The following GALNT17 variants were observed in gnomAD, a reference collection of about 807,000 sequenced individuals.
GALNT17 encodes the protein polypeptide N-acetylgalactosaminyltransferase 17.
In GALNT17, 29 loss-of-function variants were observed where a neutral mutation model predicts 63.7. The observed-to-expected ratio is 0.46, with a 90% CI of 0.34 to 0.62. The LOEUF (loss-of-function observed/expected upper bound fraction) is 0.62. GALNT17 is among the 20% of genes least tolerant of loss of function. The pLI is 0.01. For synonymous variants in GALNT17, 305 were observed against 318.3 expected (o/e 0.96, Z 0.45); for missense variants, 603 against 799.6 (o/e 0.75, Z 2.97).
chr7:71,615,020 C>T (rs6964202), intron 6 of GALNT17, among the ~76,000 whole-genome samples: 138,758 of 152,152 alleles, frequency 0.91, 64,588 homozygotes, highest in South Asian at 1. Context: ...AAGAAGGACA[C>T]GGATTACTGT....
chr7:71,657,250 A>G (rs763587810), intron 6 of GALNT17, among the ~76,000 whole-genome samples: 3 of 152,204 alleles, frequency 2.0e-5, no homozygotes, highest in Non-Finnish European at 4.4e-5. Context: ...TAGCACTCAT[A>G]TTCTAATGTC....
chr7:71,545,929 T>A (rs975278548), intron 5 of GALNT17, among the ~76,000 whole-genome samples: 1 of 152,148 alleles, frequency 6.6e-6, no homozygotes, highest in Non-Finnish European at 1.5e-5. Flanking sequence ...GCATGTACAT[T>A]TCTAGGCTTG....
At position 71,420,480 on chromosome 7, in the gene GALNT17, C is replaced by T. The variant is rs115568444; in HGVS notation, c.765-428C>T. Among the ~76,000 whole-genome samples the T allele has an allele frequency of 1.4e-3, 220 of 152,240 alleles. 1 individual carries two copies. Among genetic ancestry groups the T allele is most frequent in the African/African-American group, 5.1e-3 (213 of 41,536 alleles). ...CTATTTTGGGAAAGGGAATTCAGTG[C>T]CAGCAGAAAAAACAAGCGGTGGCAG... On this transcript the variant is annotated intron_variant, in intron 4 of 10. Coordinates refer to ENST00000333538, the MANE Select transcript of GALNT17 (RefSeq NM_022479.3).
intron 1 of GALNT17, among the ~76,000 whole-genome samples, chr7:71,305,993 C>T (rs532457041): frequency 5.3e-5 from 8 of 152,112 alleles, no homozygotes; most frequent in East Asian, 1.9e-4. Context: ...CTGAGGCAGG[C>T]GGATCACTTG....
chr7:71,564,596 A>G (rs903901148), intron 5 of GALNT17, among the ~76,000 whole-genome samples: 2 of 151,674 alleles, frequency 1.3e-5, no homozygotes, highest in East Asian at 3.9e-4. Flanking sequence ...AGTTAGGACA[A>G]TTTTCCTGTG....
intron 5 of GALNT17, among the ~76,000 whole-genome samples, chr7:71,436,792 T>C (rs1223202667): frequency 2.0e-5 from 3 of 151,846 alleles, no homozygotes; most frequent in Non-Finnish European, 4.4e-5. Flanking sequence ...AAATGCAAAC[T>C]CTGAATGAAA....
chr7:71,642,052 C>G (rs1584108058), intron 6 of GALNT17, among the ~76,000 whole-genome samples: 1 of 152,222 alleles, frequency 6.6e-6, no homozygotes, highest in Admixed American at 6.5e-5. Flanking sequence ...ATCAGCTGTC[C>G]CCCCACTATG....
At chr7:71,262,365 C>G (rs374685808) in intron 1 of GALNT17, among the ~76,000 whole-genome samples, 1 of 152,130 alleles carries the variant, frequency 6.6e-6, no homozygotes, top group Non-Finnish European at 1.5e-5. Context: ...GTCCTCCTGC[C>G]TCAGCCTCCC....
chr7:71,622,888 C>G (rs1790317065), intron 6 of GALNT17, among the ~76,000 whole-genome samples: 1 of 152,140 alleles, frequency 6.6e-6, no homozygotes, highest in African/African-American at 2.4e-5. Context: ...TGAGGGATTC[C>G]CATGGGGATG....
intron 1 of GALNT17, among the ~76,000 whole-genome samples, chr7:71,212,348 G>C (rs1384792796): frequency 6.6e-6 from 1 of 152,248 alleles, no homozygotes; most frequent in African/African-American, 2.4e-5. Context: ...CCCCCACCTA[G>C]ATTTTAAAAG....
At chr7:71,670,520 T>C (rs545345376) in intron 8 of GALNT17, among the ~76,000 whole-genome samples, 3 of 152,262 alleles carry the variant, frequency 2.0e-5, no homozygotes, top group African/African-American at 7.2e-5. Flanking sequence ...CGTTCTCAGA[T>C]TGTCTATGGT....
intron 6 of GALNT17, among the ~76,000 whole-genome samples, chr7:71,656,588 G>A (rs565804107): frequency 6.6e-6 from 1 of 152,236 alleles, no homozygotes; most frequent in East Asian, 1.9e-4. Flanking sequence ...CAGACTGAAT[G>A]GAGTTGGATT....
At chr7:71,196,559 C>T (rs1198360844) in intron 1 of GALNT17, among the ~76,000 whole-genome samples, 1 of 152,006 alleles carries the variant, frequency 6.6e-6, no homozygotes, top group Non-Finnish European at 1.5e-5. Context: ...TTGGGGACTC[C>T]CAGAATACCT....
At chr7:71,508,940 G>A (rs1342486663) in intron 5 of GALNT17, among the ~76,000 whole-genome samples, 4 of 152,118 alleles carry the variant, frequency 2.6e-5, no homozygotes, top group African/African-American at 9.7e-5. Flanking sequence ...GTGTGTGTAT[G>A]CGTGTGCATG....
chr7:71,533,389 T>C (rs906479350), intron 5 of GALNT17, among the ~76,000 whole-genome samples: 2 of 152,182 alleles, frequency 1.3e-5, no homozygotes, highest in Middle Eastern at 3.2e-3. Context: ...GCTAAAATCT[T>C]TCCTTGAGAT....
At chr7:71,574,609 G>A (rs190010859) in intron 6 of GALNT17, among the ~76,000 whole-genome samples, 1 of 151,996 alleles carries the variant, frequency 6.6e-6, no homozygotes, top group Non-Finnish European at 1.5e-5. Context: ...GAAAGGCAAA[G>A]GTCTGGGTTT....
chr7:71,598,092 C>T (rs765591628), intron 6 of GALNT17, among the ~76,000 whole-genome samples: 6 of 151,978 alleles, frequency 3.9e-5, no homozygotes, highest in Non-Finnish European at 7.4e-5. Context: ...TACAGGCGCA[C>T]GCCACCATGC....
intron 6 of GALNT17, among the ~76,000 whole-genome samples, chr7:71,596,261 AAC>A (rs1789884787): frequency 2.0e-5 from 3 of 152,030 alleles, no homozygotes; most frequent in Non-Finnish European, 4.4e-5. Flanking sequence ...GCTGGTCTCA[AAC>A]TCCTGACCTC....
At chr7:71,221,095 C>T (rs994019640) in intron 1 of GALNT17, among the ~76,000 whole-genome samples, 1 of 152,114 alleles carries the variant, frequency 6.6e-6, no homozygotes, top group Non-Finnish European at 1.5e-5. Flanking sequence ...TTTCATGGAA[C>T]TTTCCTTTGC....
Sources: allele counts gnomAD v4.1 joint callset (sites outside exome capture counted in the v4.1 genomes callset), GRCh38; gene constraint gnomAD v4.1.1; transcripts MANE v1.5; gene names NCBI Gene and HGNC (gene_info 2026-07-23, HGNC 2026-07-21).